Variants in FBLN7 observed in about 807,000 individuals in gnomAD.
The protein encoded by FBLN7 is fibulin-7.
In FBLN7, 31 loss-of-function variants were observed where a neutral mutation model predicts 44.0. That is an observed-to-expected ratio of 0.70 (90% CI 0.53 to 0.95). FBLN7 has a LOEUF of 0.95. Ranked by LOEUF, FBLN7 falls within the 40% of genes least tolerant of loss-of-function variation. The pLI, the probability that FBLN7 is intolerant of heterozygous loss-of-function variation, is 0.00. For synonymous variants in FBLN7, 262 were observed against 253.4 expected, an observed-to-expected ratio of 1.03 and a Z score of -0.32; for missense variants, 573 against 618.5, an observed-to-expected ratio of 0.93 and a Z score of 0.78.
chr2:112,167,028 G>A (rs573620589), intron 3 of FBLN7, among the ~76,000 whole-genome samples: 34 of 152,192 alleles, frequency 2.2e-4, no homozygotes, highest in Non-Finnish European at 4.0e-4. Context: ...CTTCAGGCTC[G>A]CTTTGAACTG....
the FBLN7 span, chr2:112,233,246 G>T: frequency 6.9e-7 from 1 of 1,439,928 alleles, no homozygotes; most frequent in Non-Finnish European, 9.5e-7. Flanking sequence ...ACCATATCTT[G>T]TGATAAAGGA....
the FBLN7 span, chr2:112,214,898 CTTGT>C: frequency 6.6e-6 from 1 of 152,096 alleles, no homozygotes; most frequent in Non-Finnish European, 1.5e-5. Flanking sequence ...CACAGGTATG[CTTGT>C]TTCTTAAAAC....
At chr2:112,180,497 T>C (rs1682926503) in intron 4 of FBLN7, among the ~76,000 whole-genome samples, 1 of 152,180 alleles carries the variant, frequency 6.6e-6, no homozygotes, top group Admixed American at 6.5e-5. Flanking sequence ...ACTGGGTATA[T>C]ACCCAGAGCA....
At chr2:112,181,708 G>T in intron 4 of FBLN7, 31 bp from the exon 5 acceptor site, 1 of 1,365,586 alleles carries the variant, frequency 7.3e-7, no homozygotes, top group Non-Finnish European at 9.4e-7. Context: ...GTGCGCCAGG[G>T]CCCGGCACTG....
At position 112,187,801 on chromosome 2, in the gene FBLN7, C is replaced by T. The variant is rs566113447; in HGVS notation, c.*295C>T. On this transcript the variant is annotated 3_prime_UTR_variant, in exon 8 of 8. Coordinates refer to ENST00000331203, the MANE Select transcript of FBLN7 (RefSeq NM_153214.3). This position sits in a 1 kb window ranked among gnomAD's most constrained non-coding sequence, Gnocchi z 5.1. ...AGGGGATGGGTGGCTTTCCAAAATGCTGTGCAAATGGCCTTGTGAGTTTGA... is the reference window on the plus strand; with the variant it reads ...AGGGGATGGGTGGCTTTCCAAAATGTTGTGCAAATGGCCTTGTGAGTTTGA... The T allele has an allele frequency of 5.1e-4, 259 of 512,426 alleles. 1 individual carries two copies. In the South Asian group the frequency reaches 8.2e-3, roughly 16 times the overall value. 31.7% of individuals were successfully genotyped at this position (512,426 alleles called of 1,614,324 possible).
chr2:112,183,056 GCCAC>G, intron 6 of FBLN7, 128 bp downstream of exon 6: 1 of 1,269,246 alleles, frequency 7.9e-7, no homozygotes, highest in Non-Finnish European at 1.1e-6. Context: ...TTTTTAAAAA[GCCAC>G]CAACCAAAGG....
chr2:112,202,063 T>C, the FBLN7 span, among the ~76,000 whole-genome samples: 1 of 152,244 alleles, frequency 6.6e-6, no homozygotes, highest in Admixed American at 6.5e-5. Flanking sequence ...ACAGCTGGGA[T>C]ACAAAGCTTG....
At chr2:112,219,327 TGAAG>T in the FBLN7 span, among the ~76,000 whole-genome samples, 2 of 152,134 alleles carry the variant, frequency 1.3e-5, no homozygotes, top group Non-Finnish European at 1.5e-5. Context: ...GACCATTCAA[TGAAG>T]GAAGGACGGT....
chr2:112,211,960 T>G, the FBLN7 span: 1 of 152,208 alleles, frequency 6.6e-6, no homozygotes, highest in Admixed American at 6.5e-5. Context: ...TGCTCCTTAT[T>G]ATGAAAATAG....
the FBLN7 span, among the ~76,000 whole-genome samples, chr2:112,229,737 G>A: frequency 1.3e-5 from 2 of 151,990 alleles, no homozygotes; most frequent in African/African-American, 4.8e-5. Context: ...TTTTTGCTAA[G>A]CACCATTACT....
Position 112,159,852 on chromosome 2 carries a change from G to A in FBLN7, c.235+17G>A, listed in dbSNP as rs542918559. On this transcript the variant is annotated intron_variant, in intron 2 of 7. Transcript: ENST00000331203. ...CCCTTCCAGGTGGGTCCCCACGTCG[G>A]CACCGCTGGGGCGGCAGCGCAGCAC... 765 of 1,512,440 alleles carry A rather than the reference G, an allele frequency of 5.1e-4. 10 individuals carry two copies. The South Asian group carries it at 8.5e-3, about 17-fold the overall frequency. 93.7% of individuals were successfully genotyped at this position (1,512,440 alleles called of 1,614,324 possible). A position where few individuals can be genotyped will look rare whatever the true frequency, so the allele number is the denominator to read the frequency against.
At chr2:112,142,671 C>T (rs1390590531) in intron 1 of FBLN7, among the ~76,000 whole-genome samples, 5 of 152,140 alleles carry the variant, frequency 3.3e-5, no homozygotes, top group African/African-American at 4.8e-5. Flanking sequence ...TGGGGGTGGG[C>T]CACAACCCTG....
chr2:112,178,897 C>G (rs922834256), intron 4 of FBLN7, among the ~76,000 whole-genome samples: 1 of 72,998 alleles, frequency 1.4e-5, no homozygotes, highest in Admixed American at 1.4e-4. Flanking sequence ...CAACATTGTA[C>G]GGAATGGGCA....
intron 1 of FBLN7, among the ~76,000 whole-genome samples, chr2:112,157,089 A>C (rs1336969804): frequency 1.3e-5 from 2 of 152,108 alleles, no homozygotes; most frequent in East Asian, 3.8e-4. Flanking sequence ...TAAAATTAAG[A>C]CTGGGTGCGG....
the FBLN7 span, chr2:112,212,492 A>G: frequency 4.6e-5 from 7 of 152,232 alleles, no homozygotes; most frequent in African/African-American, 1.4e-4. Context: ...CTTAGTTCAC[A>G]TTTATTAGTT....
the FBLN7 span, among the ~76,000 whole-genome samples, chr2:112,207,173 G>T: frequency 2.6e-5 from 4 of 152,156 alleles, no homozygotes; most frequent in Non-Finnish European, 5.9e-5. Context: ...CACTTGAAAA[G>T]AACGTGTATT....
chr2:112,182,136 C>T (rs1683034227), intron 5 of FBLN7: 1 of 490,446 alleles, frequency 2.0e-6, no homozygotes, highest in Admixed American at 4.2e-5. Flanking sequence ...TCAGGAGAGC[C>T]TTGAGACCCT....
intron 1 of FBLN7, among the ~76,000 whole-genome samples, chr2:112,142,529 C>T (rs1196801648): frequency 6.6e-6 from 1 of 152,046 alleles, no homozygotes; most frequent in Non-Finnish European, 1.5e-5. Context: ...GAGCTGTGCC[C>T]ACAGGATCAT....
chr2:112,192,116 C>T (rs1683511003), downstream of FBLN7, among the ~76,000 whole-genome samples: 1 of 152,184 alleles, frequency 6.6e-6, no homozygotes, highest in South Asian at 2.1e-4. Flanking sequence ...TTCATTATGA[C>T]AGCATACCAT....
Sources: allele counts gnomAD v4.1 joint callset (sites outside exome capture counted in the v4.1 genomes callset), GRCh38; gene constraint gnomAD v4.1.1; non-coding constraint Gnocchi (gnomAD v3.1); transcripts MANE v1.5; gene names NCBI Gene and HGNC (gene_info 2026-07-23, HGNC 2026-07-21).